The following FUCA1 variants were observed in gnomAD, a reference collection of about 807,000 sequenced individuals.
FUCA1 encodes the protein tissue alpha-L-fucosidase.
A neutral mutation model predicts 56.8 loss-of-function variants in FUCA1; 52 were observed. The observed-to-expected ratio is 0.92, with a 90% CI of 0.73 to 1.15. The LOEUF (loss-of-function observed/expected upper bound fraction) is 1.15. FUCA1 is among the 50% of genes most tolerant of loss of function. FUCA1 has a pLI of 0.00. For synonymous variants in FUCA1, 230 were observed against 226.6 expected (o/e 1.02, Z -0.14); for missense variants, 568 against 592.6 (o/e 0.96, Z 0.43).
intron 5 of FUCA1, among the ~76,000 whole-genome samples, chr1:23,849,177 G>T (rs569203131): frequency 1.2e-4 from 19 of 152,124 alleles, no homozygotes; most frequent in African/African-American, 4.6e-4. Flanking sequence ...TAGAGACAGG[G>T]TTTCACCACG....
chr1:23,863,425 T>C (rs1260849149), intron 2 of FUCA1, among the ~76,000 whole-genome samples, 154 bp from the exon 3 acceptor site: 1 of 152,250 alleles, frequency 6.6e-6, no homozygotes, highest in Non-Finnish European at 1.5e-5. Context: ...CCTTAAATTA[T>C]TCACTATTCA....
At chr1:23,863,021 G>T in intron 3 of FUCA1, 113 bp downstream of exon 3, 2 of 1,102,964 alleles carry the variant, frequency 1.8e-6, no homozygotes, top group Non-Finnish European at 2.7e-6. Context: ...TTATTATTTT[G>T]ATGTCTTTTA....
chr1:23,845,755 G>A lies in FUCA1; in HGVS notation c.1361C>T (p.Ala454Val). The A allele has an allele frequency of 6.2e-7, 1 of 1,614,208 alleles. No homozygotes were observed. Among genetic ancestry groups the A allele is most frequent in the African/African-American group, 1.3e-5 (1 of 75,054 alleles). ...LPQLPPSAVP[A>V]EFAWTIKLTG... is the part of the protein sequence containing the mutation. ...CAGCTTTATAGTCCAAGCAAACTCT[G>A]CGGGGACAGCAGAGGGTGGCAACTG... Residue 454 changes from alanine to valine, a missense_variant, in exon 8 of 8, where the codon GCA becomes GTA. Transcript: ENST00000374479.
At chr1:23,866,841 T>A (rs1265511706) in intron 1 of FUCA1, among the ~76,000 whole-genome samples, 1 of 152,238 alleles carries the variant, frequency 6.6e-6, no homozygotes, top group Non-Finnish European at 1.5e-5. Context: ...TCCCAGATTT[T>A]AATTTTTCTC....
chr1:23,848,966 T>C (rs1026115267), intron 5 of FUCA1, 127 bp from the exon 6 acceptor site: 1 of 419,740 alleles, frequency 2.4e-6, no homozygotes, highest in Non-Finnish European at 4.0e-6. Context: ...GCTGTTTTAA[T>C]TTTTTTTTTT....
intron 6 of FUCA1, 94 bp from the exon 7 acceptor site, chr1:23,846,267 TTTC>T: frequency 1.1e-6 from 1 of 875,944 alleles, no homozygotes; most frequent in Non-Finnish European, 1.8e-6. Flanking sequence ...TTAATTTTCT[TTTC>T]TTTTCTTTTT....
Position 23,867,091 on chromosome 1 carries a change from C to T in FUCA1, c.389+807G>A, listed in dbSNP as rs1452355532. Among the ~76,000 whole-genome samples the T allele has an allele frequency of 6.6e-6, 1 of 152,202 alleles. No homozygotes were observed. The highest frequency in any genetic ancestry group is 1.5e-5 in the Non-Finnish European group (1 of 68,030). On this transcript the variant is annotated intron_variant, in intron 1 of 7. Transcript: ENST00000374479. This position sits in a 1 kb window ranked among gnomAD's most constrained non-coding sequence, Gnocchi z 4.9. ...GGAAACCTCCCCGCCTCCATTTTTA[C>T]TCTTCTCCAACCCACTTCTCTCCCA...
chr1:23,867,316 C>CAG lies in FUCA1; in HGVS notation c.389+580_389+581dup, dbSNP rs1639644033. Among the ~76,000 whole-genome samples the CAG allele has an allele frequency of 6.6e-6, 1 of 152,140 alleles. No homozygotes were observed. The highest frequency in any genetic ancestry group is 2.1e-4 in the South Asian group (1 of 4,828). On this transcript the variant is annotated intron_variant, in intron 1 of 7. Transcript: ENST00000374479. The surrounding 1 kb of genome is among the most constrained non-coding windows in gnomAD (Gnocchi z 4.9). ...GCCACCCCCAAGTTCCAACAGTTCT[C>CAG]AGAGAGAGTCAGACCCTTCCTGGAC...
At chr1:23,857,148 C>G (rs1639408209) in intron 4 of FUCA1, among the ~76,000 whole-genome samples, 1 of 152,072 alleles carries the variant, frequency 6.6e-6, no homozygotes, top group South Asian at 2.1e-4. Context: ...TAAGCACAAA[C>G]ACTAGACTGT....
intron 5 of FUCA1, among the ~76,000 whole-genome samples, chr1:23,851,090 G>A (rs898824186): frequency 1.3e-5 from 2 of 151,974 alleles, no homozygotes; most frequent in Non-Finnish European, 2.9e-5. Flanking sequence ...ATATGTAACT[G>A]TTTTTTCATT....
At position 23,866,639 on chromosome 1, in the gene FUCA1, T is replaced by C. The variant is rs183137723; in HGVS notation, c.390-1014A>G. Among the ~76,000 whole-genome samples, 541 of 152,334 alleles carry C rather than the reference T, an allele frequency of 3.6e-3. 1 individual carries two copies. The highest frequency in any genetic ancestry group is 0.02 in the Middle Eastern group (6 of 294). ...AAAACATTTTACAACCCTTTAAAAA[T>C]GTAAAAACCATTCTCACCTCATGGG... On this transcript the variant is annotated intron_variant, in intron 1 of 7. Coordinates refer to ENST00000374479, the MANE Select transcript of FUCA1 (RefSeq NM_000147.5).
At chr1:23,848,338 G>T (rs981158470) in intron 6 of FUCA1, among the ~76,000 whole-genome samples, 9 of 152,108 alleles carry the variant, frequency 5.9e-5, no homozygotes, top group African/African-American at 1.7e-4. Context: ...AAGAATTTTG[G>T]ATGGGGCTCC....
At chr1:23,846,817 G>A (rs1030902224) in intron 6 of FUCA1, among the ~76,000 whole-genome samples, 1 of 151,786 alleles carries the variant, frequency 6.6e-6, no homozygotes, top group African/African-American at 2.4e-5. Flanking sequence ...CCTGACCTCA[G>A]GTGATCCACC....
chr1:23,846,767 A>C (rs928307615), intron 6 of FUCA1, among the ~76,000 whole-genome samples: 2 of 151,886 alleles, frequency 1.3e-5, no homozygotes, highest in East Asian at 3.9e-4. Flanking sequence ...TTTTTAGTAA[A>C]GACGGGGTTT....
At chr1:23,846,256 G>C in intron 6 of FUCA1, 83 bp from the exon 7 acceptor site, 2 of 875,254 alleles carry the variant, frequency 2.3e-6, no homozygotes, top group Admixed American at 2.4e-5. Flanking sequence ...CCTTTTTAAT[G>C]TTAATTTTCT....
At chr1:23,850,384 C>T (rs1000254774) in intron 5 of FUCA1, among the ~76,000 whole-genome samples, 1 of 151,614 alleles carries the variant, frequency 6.6e-6, no homozygotes, top group African/African-American at 2.4e-5. Flanking sequence ...AGTGACACCA[C>T]ACCATTAACT....
At chr1:23,860,875 G>A (rs564662458) in intron 3 of FUCA1, among the ~76,000 whole-genome samples, 19 of 151,986 alleles carry the variant, frequency 1.3e-4, no homozygotes, top group African/African-American at 4.6e-4. Flanking sequence ...TTGGCAGCAA[G>A]TGATCCACCT....
chr1:23,853,665 G>T (rs6664538), intron 5 of FUCA1, among the ~76,000 whole-genome samples: 1 of 139,086 alleles, frequency 7.2e-6, no homozygotes, highest in Non-Finnish European at 1.6e-5. Flanking sequence ...GATGGTTGCC[G>T]TGTCTGTGTA....
intron 4 of FUCA1, 115 bp from the exon 5 acceptor site, chr1:23,854,675 G>T: frequency 1.1e-6 from 1 of 873,530 alleles, no homozygotes; most frequent in Non-Finnish European, 1.9e-6. Context: ...AGCAGTGGCT[G>T]TCAACTGGGG....
Sources: allele counts gnomAD v4.1 joint callset (sites outside exome capture counted in the v4.1 genomes callset), GRCh38; gene constraint gnomAD v4.1.1; non-coding constraint Gnocchi (gnomAD v3.1); transcripts MANE v1.5; gene names NCBI Gene and HGNC (gene_info 2026-07-23, HGNC 2026-07-21).